The following ADGRG5 variants were observed in gnomAD, a reference collection of about 807,000 sequenced individuals.
ADGRG5 encodes adhesion G protein-coupled receptor G5, also known as G protein-coupled receptor 114.
ADGRG5 carries 37 observed loss-of-function variants against 53.2 expected under a neutral mutation model. That is an observed-to-expected ratio of 0.70 (90% CI 0.53 to 0.91). The LOEUF (loss-of-function observed/expected upper bound fraction) is 0.91. ADGRG5 is among the 40% of genes least tolerant of loss of function. ADGRG5 has a pLI of 0.00. For missense variants in ADGRG5, 614 were observed against 675.8 expected (o/e 0.91, Z 1.01); for synonymous variants, 277 against 290.4 (o/e 0.95, Z 0.47).
rs1429786140 is a variant in ADGRG5 at position 57,574,724 on chromosome 16, C to T, written c.1209-91C>T. Reference sequence around the variant, plus strand: ...AGGCAAGAAACAATAGGGCCTGAGCCAGGAGACCGAGTGGGGCTTCAGGGA... The same window carrying T: ...AGGCAAGAAACAATAGGGCCTGAGCTAGGAGACCGAGTGGGGCTTCAGGGA... On this transcript the variant is annotated intron_variant, in intron 10 of 11. Coordinates refer to ENST00000349457, the MANE Select transcript of ADGRG5 (RefSeq NM_001304376.3). This position sits in a 1 kb window ranked among gnomAD's most constrained non-coding sequence, Gnocchi z 4.4. The T allele has an allele frequency of 5.1e-6, 7 of 1,384,534 alleles. No individual in the cohort carries two copies. The highest frequency in any genetic ancestry group is 6.8e-6 in the Non-Finnish European group (7 of 1,031,196). 85.8% of individuals were successfully genotyped at this position (1,384,534 alleles called of 1,614,324 possible). A position where few individuals can be genotyped will look rare whatever the true frequency, so the allele number is the denominator to read the frequency against.
intron 1 of ADGRG5, among the ~76,000 whole-genome samples, chr16:57,556,564 T>C (rs1342448537): frequency 6.6e-6 from 1 of 152,218 alleles, no homozygotes; most frequent in African/African-American, 2.4e-5. Context: ...ATACTTAAAA[T>C]GTAGTTTAAG....
At chr16:57,568,943 G>C (rs1422067954) in intron 9 of ADGRG5, among the ~76,000 whole-genome samples, 6 of 88,130 alleles carry the variant, frequency 6.8e-5, no homozygotes, top group Non-Finnish European at 9.2e-5. Flanking sequence ...ATCATCACCT[G>C]CTCCATCTCC....
At chr16:57,554,799 C>T (rs746533413) in intron 1 of ADGRG5, among the ~76,000 whole-genome samples, 11 of 152,136 alleles carry the variant, frequency 7.2e-5, no homozygotes, top group South Asian at 2.1e-4. Flanking sequence ...CTAATGTAAG[C>T]GTTTAATGCT....
At position 57,562,366 on chromosome 16, in the gene ADGRG5, G is replaced by T; in HGVS notation, c.65-18G>T. On this transcript the variant is annotated intron_variant, in intron 2 of 11. Transcript: ENST00000349457. The stretch of plus-strand genomic sequence containing the variant: ...GGGCAGTTGAGACACAAACTGAGGG[G>T]GAGGTGTGTCCCCACAGAGACATGG... 1 of 1,595,668 alleles carries T rather than the reference G, an allele frequency of 6.3e-7. No homozygotes were observed. Among genetic ancestry groups the T allele is most frequent in the East Asian group, 2.2e-5 (1 of 44,512 alleles).
At chr16:57,561,396 C>T (rs1221349645) in intron 1 of ADGRG5, among the ~76,000 whole-genome samples, 1 of 152,072 alleles carries the variant, frequency 6.6e-6, no homozygotes, top group Admixed American at 6.6e-5. Context: ...GTTTCCTGTA[C>T]CCTGTGTCTT....
In ADGRG5 at chr16:57,544,639, A is replaced by G. The variant is rs1359758125; in HGVS notation, c.-39+1938A>G. 2.6e-5 allele frequency among the ~76,000 whole-genome samples: 4 copies of G among 152,088 alleles called. No homozygotes were observed. The East Asian group carries it at 7.7e-4, about 29-fold the overall frequency. ...ATCTCTCTGGGCCTCAGTTTCACCA[A>G]CAGTATAGTGAAGGGGTGGACAAAT... On this transcript the variant is annotated intron_variant, in intron 1 of 11. Transcript: ENST00000349457.
chr16:57,563,921 C>T lies in ADGRG5; in HGVS notation c.371C>T (p.Thr124Ile). ...PAELTRDACKTRPRELRLICI... is the reference protein window; with the variant it reads ...PAELTRDACKIRPRELRLICI... ...GAGCTGACCCGGGACGCCTGCAAGA[C>T]CCGCCCCAGGGAGCTGCGGCTCATC... The change falls in exon 5 of 12, where the codon ACC (threonine) becomes ATC (isoleucine). Residue 124 changes from threonine (T) to isoleucine (I), a missense_variant. Coordinates refer to ENST00000349457, the MANE Select transcript of ADGRG5 (RefSeq NM_001304376.3). 1.2e-6 allele frequency: 2 copies of T among 1,614,120 alleles called. No individual in the cohort carries two copies. Among genetic ancestry groups the T allele is most frequent in the Non-Finnish European group, 1.7e-6 (2 of 1,179,988 alleles).
intron 10 of ADGRG5, among the ~76,000 whole-genome samples, chr16:57,572,033 A>C (rs903237432): frequency 6.6e-6 from 1 of 151,536 alleles, no homozygotes; most frequent in Non-Finnish European, 1.5e-5. Flanking sequence ...GAGAACACCC[A>C]CCTACGAGCC....
the ADGRG5 span, among the ~76,000 whole-genome samples, chr16:57,530,702 G>T: frequency 6.6e-6 from 1 of 152,078 alleles, no homozygotes; most frequent in African/African-American, 2.4e-5. Flanking sequence ...CCTCCCTCCT[G>T]CCAGTCCCAC....
In ADGRG5 at chr16:57,574,390, T is replaced by C. The variant is rs548055195; in HGVS notation, c.1209-425T>C. ...GGGCGTCCCACTGCAGAGATGGTGA[T>C]GAGGTGGTGACAACCATGTAGTGGG... On this transcript the variant is annotated intron_variant, in intron 10 of 11. Transcript: ENST00000349457. The surrounding 1 kb of genome is among the most constrained non-coding windows in gnomAD (Gnocchi z 4.4). Among the ~76,000 whole-genome samples the C allele has an allele frequency of 2.8e-4, 42 of 152,230 alleles. No homozygotes were observed. Among genetic ancestry groups the C allele is most frequent in the Non-Finnish European group, 5.6e-4 (38 of 67,992 alleles).
intron 7 of ADGRG5, among the ~76,000 whole-genome samples, 172 bp from the exon 8 acceptor site, chr16:57,567,298 G>A (rs1175042511): frequency 1.3e-5 from 2 of 152,218 alleles, no homozygotes; most frequent in African/African-American, 4.8e-5. Flanking sequence ...GATGGGAGAT[G>A]TGGAGGGGGC....
Position 57,564,363 on chromosome 16 carries a change from G to A in ADGRG5, c.429+384G>A, listed in dbSNP as rs186491185. On this transcript the variant is annotated intron_variant, in intron 5 of 11. Coordinates refer to ENST00000349457, the MANE Select transcript of ADGRG5 (RefSeq NM_001304376.3). ...CTCGCTCTGTTGCCCAGGCTGGAGT[G>A]CAGTGGCATGATCTCGGCTCACTGC... 5.6e-3 allele frequency among the ~76,000 whole-genome samples: 841 copies of A among 150,154 alleles called. 7 individuals carry two copies. Among genetic ancestry groups the A allele is most frequent in the African/African-American group, 0.02 (792 of 40,548 alleles).
Position 57,577,007 on chromosome 16 carries a change from GGCTGCCTGGGCTCCAAT to G in ADGRG5, c.*1472_*1488del, listed in dbSNP as rs1213955836. 15 of 152,232 alleles carry G rather than the reference GGCTGCCTGGGCTCCAAT, an allele frequency of 9.9e-5. No individual in the cohort carries two copies. The highest frequency in any genetic ancestry group is 3.6e-4 in the African/African-American group (15 of 41,464). The allele number at this position is 152,232 out of a possible 1,614,324, so 9.4% of individuals were successfully genotyped here. On this transcript the variant is annotated 3_prime_UTR_variant, in exon 12 of 12. Coordinates refer to ENST00000349457, the MANE Select transcript of ADGRG5 (RefSeq NM_001304376.3). ...GTGAGTGGCGTAGGCTCTGGAGCCA[GGCTGCCTGGGCTCCAAT>G]GCCAGCTCTGCCACTTGCTAGCTGT...
At chr16:57,538,243 T>C (rs931996342), upstream of ADGRG5, among the ~76,000 whole-genome samples, 1 of 152,162 alleles carries the variant, frequency 6.6e-6, no homozygotes, top group South Asian at 2.1e-4. Context: ...GCAGCTCGCA[T>C]GATGTTATCT....
chr16:57,545,596 A>T (rs1170472583), intron 1 of ADGRG5, among the ~76,000 whole-genome samples: 1 of 152,182 alleles, frequency 6.6e-6, no homozygotes, highest in Non-Finnish European at 1.5e-5. Context: ...TACTCTACAA[A>T]CTATTCTGCA....
At chr16:57,541,396 A>G (rs578251111), upstream of ADGRG5, among the ~76,000 whole-genome samples, 1 of 152,284 alleles carries the variant, frequency 6.6e-6, no homozygotes, top group African/African-American at 2.4e-5. Context: ...AGAAAACCGA[A>G]GCGCAAAGAA....
chr16:57,563,911 G>T lies in ADGRG5; in HGVS notation c.361G>T (p.Ala121Ser), dbSNP rs1175679502. 6.2e-7 allele frequency: 1 copy of T among 1,614,050 alleles called. No homozygotes were observed. The highest frequency in any genetic ancestry group is 8.5e-7 in the Non-Finnish European group (1 of 1,179,964). ...MQFPAELTRD[A>S]CKTRPRELRL... is the part of the protein sequence containing the mutation. Reference sequence around the variant, plus strand: ...GTTCCCCGCCGAGCTGACCCGGGACGCCTGCAAGACCCGCCCCAGGGAGCT... The same window carrying T: ...GTTCCCCGCCGAGCTGACCCGGGACTCCTGCAAGACCCGCCCCAGGGAGCT... The change falls in exon 5 of 12, where the codon GCC becomes TCC. Residue 121 changes from alanine to serine, a missense_variant. Ala to Ser is a moderately conservative substitution (Grantham distance 99). Transcript: ENST00000349457.
chr16:57,571,661 T>TTC (rs1249535430), intron 10 of ADGRG5, among the ~76,000 whole-genome samples: 1 of 149,966 alleles, frequency 6.7e-6, no homozygotes, highest in Non-Finnish European at 1.5e-5. Context: ...TTTTTCTTTT[T>TTC]TTTTTTTTTT....
At chr16:57,562,750 G>T in intron 3 of ADGRG5, 1 of 556,746 alleles carries the variant, frequency 1.8e-6, no homozygotes, top group South Asian at 2.1e-5. Context: ...GCTCTCCAGG[G>T]TCTATGACCC....
Sources: gnomAD v4.1 joint callset for allele counts (sites outside exome capture counted in the v4.1 genomes callset) on GRCh38, gnomAD v4.1.1 for gene constraint, Gnocchi (gnomAD v3.1) non-coding constraint, MANE v1.5 for transcripts, NCBI Gene and HGNC (gene_info 2026-07-23, HGNC 2026-07-21) for gene names.